Variants in CAPN12 observed in about 807,000 individuals in gnomAD.
CAPN12 encodes calpain 12, also known as calpain-12.
In CAPN12, 107 loss-of-function variants were observed where a neutral mutation model predicts 95.0. The observed-to-expected ratio is 1.13, with a 90% CI of 0.96 to 1.32. The LOEUF (loss-of-function observed/expected upper bound fraction) is 1.32, where lower values mean the gene tolerates loss of function less well. CAPN12 is among the 40% of genes most tolerant of loss of function. CAPN12 has a pLI of 0.00. For missense variants in CAPN12, 1,136 were observed against 997.8 expected, an observed-to-expected ratio of 1.14 and a Z score of -1.87; for synonymous variants, 505 against 415.5, an observed-to-expected ratio of 1.22 and a Z score of -2.62.
In CAPN12 at chr19:38,742,396, G is replaced by A; in HGVS notation, c.426+14C>T. ...GGGGGAAACGGAGGCATGGGCAGAG[G>A]AACTGAGCTGTACCTGGAAGTGGAA... On this transcript the variant is annotated intron_variant, in intron 3 of 20. Coordinates refer to ENST00000328867, the MANE Select transcript of CAPN12 (RefSeq NM_144691.4). The A allele has an allele frequency of 6.4e-7, 1 of 1,573,522 alleles. No individual in the cohort carries two copies. The highest frequency in any genetic ancestry group is 8.7e-7 in the Non-Finnish European group (1 of 1,143,024).
intron 1 of CAPN12, 83 bp downstream of exon 1, chr19:38,743,846 C>T (rs1970732153): frequency 1.5e-6 from 2 of 1,372,112 alleles, no homozygotes; most frequent in Non-Finnish European, 2.0e-6. Context: ...AGGCCCCCAG[C>T]CTTCCTTCCT....
rs776405481 is a variant in CAPN12 at position 38,734,310 on chromosome 19, C to G, written c.1815+9G>C. On this transcript the variant is annotated intron_variant, in intron 16 of 20. Coordinates refer to ENST00000328867, the MANE Select transcript of CAPN12 (RefSeq NM_144691.4). ...TCCCTCCCTCACCCAGGCACTGCCCCCCATGTACCCCGAAACACTGCAGCA... is the reference window on the plus strand; with the variant it reads ...TCCCTCCCTCACCCAGGCACTGCCCGCCATGTACCCCGAAACACTGCAGCA... The G allele has an allele frequency of 3.7e-6, 6 of 1,605,988 alleles. No homozygotes were observed. The African/African-American group carries it at 6.7e-5, about 18-fold the overall frequency.
chr19:38,736,175 G>T lies in CAPN12; in HGVS notation c.1518C>A (p.Thr506=). 6.6e-6 allele frequency: 10 copies of T among 1,513,020 alleles called. No individual in the cohort carries two copies. The highest frequency in any genetic ancestry group is 7.9e-6 in the Non-Finnish European group (9 of 1,134,466). The allele number at this position is 1,513,020 out of a possible 1,614,324, so 93.7% of individuals were successfully genotyped here. A position where few individuals can be genotyped will look rare whatever the true frequency, so the allele number is the denominator to read the frequency against. ...RPGHYLVVPS[T]AHAGDEADFT... ...AGTCAGCCTCGTCGCCGGCGTGGGC[G>T]GTGCTCGGCACCACCAGGTAGTGGC... The change falls in exon 12 of 21, where the codon ACC becomes ACA. Residue 506 remains threonine (T), a synonymous_variant. Coordinates refer to ENST00000328867, the MANE Select transcript of CAPN12 (RefSeq NM_144691.4).
chr19:38,744,401 G>C lies in CAPN12; in HGVS notation c.-236C>G, dbSNP rs958840606. On this transcript the variant is annotated 5_prime_UTR_variant, in exon 1 of 21. Coordinates refer to ENST00000328867, the MANE Select transcript of CAPN12 (RefSeq NM_144691.4). ...GGTAGCAGCTTAATGGGCTTGGCCAGCAGCAGGAGAGAAGGCGGGCAGAGC... is the reference window on the plus strand; with the variant it reads ...GGTAGCAGCTTAATGGGCTTGGCCACCAGCAGGAGAGAAGGCGGGCAGAGC... 3 of 579,234 alleles carry C rather than the reference G, an allele frequency of 5.2e-6. No homozygotes were observed. Among genetic ancestry groups the C allele is most frequent in the Non-Finnish European group, 9.2e-6 (3 of 324,602 alleles). The allele number at this position is 579,234 out of a possible 1,614,324, so 35.9% of individuals were successfully genotyped here.
chr19:38,734,945 C>T lies in CAPN12; in HGVS notation c.1687-75G>A, dbSNP rs552102470. The stretch of plus-strand genomic sequence containing the variant: ...TGGGCCAAGCCCTGTGCTAGGGACA[C>T]GGCAGGGGCTGACAGAGCCTCAGAG... On this transcript the variant is annotated intron_variant, in intron 14 of 20. Transcript: ENST00000328867. The T allele has an allele frequency of 5.0e-5, 72 of 1,431,208 alleles. No individual in the cohort carries two copies. In the African/African-American group the frequency reaches 5.2e-4, roughly 10 times the overall value. 88.7% of individuals were successfully genotyped at this position (1,431,208 alleles called of 1,614,324 possible).
chr19:38,730,598 A>G lies in CAPN12; in HGVS notation c.*254T>C, dbSNP rs576315249. 2 of 573,040 alleles carry G rather than the reference A, an allele frequency of 3.5e-6. No individual in the cohort carries two copies. Among genetic ancestry groups the G allele is most frequent in the South Asian group, 2.2e-5 (1 of 45,546 alleles). 35.5% of individuals were successfully genotyped at this position (573,040 alleles called of 1,614,324 possible). A position where few individuals can be genotyped will look rare whatever the true frequency, so the allele number is the denominator to read the frequency against. On this transcript the variant is annotated 3_prime_UTR_variant, in exon 21 of 21. Coordinates refer to ENST00000328867, the MANE Select transcript of CAPN12 (RefSeq NM_144691.4). The stretch of plus-strand genomic sequence containing the variant: ...CTCCACCTTCTAGGAGAGCCAGGGC[A>G]GAGCTAGCACTGTCTTAAGCTGTCA...
rs532063268 is a variant in CAPN12, at chr19:38,733,602, C to T, written c.1957+101G>A. Reference sequence around the variant, plus strand: ...AGCTAAGGTGTGGGCCTGTGGATGGCCACAGTGCAGACGGCCACAGCTGAG... The same window carrying T: ...AGCTAAGGTGTGGGCCTGTGGATGGTCACAGTGCAGACGGCCACAGCTGAG... On this transcript the variant is annotated intron_variant, in intron 18 of 20. Transcript: ENST00000328867. The T allele has an allele frequency of 3.7e-6, 4 of 1,091,782 alleles. No homozygotes were observed. In the South Asian group the frequency reaches 5.5e-5, roughly 15 times the overall value. The allele number at this position is 1,091,782 out of a possible 1,614,324, so 67.6% of individuals were successfully genotyped here. A position where few individuals can be genotyped will look rare whatever the true frequency, so the allele number is the denominator to read the frequency against.
In CAPN12 at chr19:38,740,130, AG is replaced by A; in HGVS notation, c.649del (p.Leu217Ter). 1.2e-6 allele frequency: 2 copies of A among 1,612,766 alleles called. No individual in the cohort carries two copies. The highest frequency in any genetic ancestry group is 1.7e-6 in the Non-Finnish European group (2 of 1,178,928). On this transcript the variant is annotated frameshift_variant, in exon 5 of 21. Transcript: ENST00000328867. LOFTEE classifies it high-confidence loss of function. The part of the protein sequence containing the change: ...FTGGVGEVLY[L>X]RQNSMGLFSA... ...GAACAGCCCCATGCTGTTTTGTCTC[AG>A]ATAGAGCACCTCGCCCACGCCGCCT... is the stretch of plus-strand genomic sequence containing the variant.
At position 38,734,193 on chromosome 19, in the gene CAPN12, G is replaced by C. The variant is rs1384533305; in HGVS notation, c.1827C>G (p.Ser609Arg). 8 of 1,613,000 alleles carry C rather than the reference G, an allele frequency of 5.0e-6. No individual in the cohort carries two copies. Among genetic ancestry groups the C allele is most frequent in the Non-Finnish European group, 6.8e-6 (8 of 1,179,906 alleles). Residue 609 changes from serine (S) to arginine (R), a missense_variant, in exon 17 of 21, where the codon AGC (serine) becomes AGG (arginine). Coordinates refer to ENST00000328867, the MANE Select transcript of CAPN12 (RefSeq NM_144691.4). ...QLLQCFGHGQ[S>R]LALHHFQQLW... ...GCTGCTGGAAGTGGTGTAAGGCCAG[G>C]CTTTGCCCATGCTGTGTTGGGGGTC...
rs150213565 is a variant in CAPN12 at position 38,735,531 on chromosome 19, C to A, written c.1597G>T (p.Val533Leu). The A allele has an allele frequency of 3.5e-5, 56 of 1,610,438 alleles. No homozygotes were observed. The South Asian group carries it at 5.8e-4, about 17-fold the overall frequency. Reference sequence around the variant, plus strand: ...AGAGACTGCAGGTCTGCGCTGATCACGTCGTCGATCTCCCTGCAAATTACA... The same window carrying A: ...AGAGACTGCAGGTCTGCGCTGATCAAGTCGTCGATCTCCCTGCAAATTACA... ...RRHTAVEIDD[V>L]ISADLQSLQG... Residue 533 changes from valine to leucine, a missense_variant, in exon 13 of 21, where the codon GTG becomes TTG. Physicochemically the swap from Val to Leu is conservative, Grantham distance 32. Transcript: ENST00000328867.
chr19:38,735,055 TG>T, intron 14 of CAPN12, 185 bp from the exon 15 acceptor site: 1 of 619,076 alleles, frequency 1.6e-6, no homozygotes, highest in Non-Finnish European at 2.8e-6. Flanking sequence ...TGGTTGCTGG[TG>T]GGGGGCCAGC....
rs141009431 is a variant in CAPN12 at position 38,735,523 on chromosome 19, G to A, written c.1605C>T (p.Ser535=). 469 of 1,610,902 alleles carry A rather than the reference G, an allele frequency of 2.9e-4. 1 individual carries two copies. The African/African-American group carries it at 5.4e-3, about 19-fold the overall frequency. The part of the protein sequence containing the change: ...HTAVEIDDVI[S]ADLQSLQGPY... Reference sequence around the variant, plus strand: ...CCACCTGGAGAGACTGCAGGTCTGCGCTGATCACGTCGTCGATCTCCCTGC... The same window carrying A: ...CCACCTGGAGAGACTGCAGGTCTGCACTGATCACGTCGTCGATCTCCCTGC... The change falls in exon 13 of 21, where the codon AGC becomes AGT. Residue 535 remains serine (S), a synonymous_variant. Coordinates refer to ENST00000328867, the MANE Select transcript of CAPN12 (RefSeq NM_144691.4).
At position 38,734,793 on chromosome 19, in the gene CAPN12, C is replaced by T. The variant is rs1314882162; in HGVS notation, c.1744+20G>A. On this transcript the variant is annotated intron_variant, in intron 15 of 20. Transcript: ENST00000328867. ...CCCTGGCTAAGACCCCTCCTCCTGC[C>T]CCTATCCCAGCCAACTCACCAGGCT... is the stretch of plus-strand genomic sequence containing the variant. The T allele has an allele frequency of 6.2e-7, 1 of 1,610,872 alleles. No homozygotes were observed. Among genetic ancestry groups the T allele is most frequent in the Non-Finnish European group, 8.5e-7 (1 of 1,178,724 alleles).
chr19:38,744,069 CAT>C lies in CAPN12; in HGVS notation c.95_96del (p.Tyr32Ter). The C allele has an allele frequency of 6.2e-7, 1 of 1,614,226 alleles. No homozygotes were observed. On this transcript the variant is annotated frameshift_variant, in exon 1 of 21. Transcript: ENST00000328867. LOFTEE classifies it high-confidence loss of function. ...TCCAGGCAGGCTGCCCGAATTGCCTCATAGCTCTGGCCCCGAAAAAGCTGCAG... is the reference window on the plus strand; with the variant it reads ...TCCAGGCAGGCTGCCCGAATTGCCTCAGCTCTGGCCCCGAAAAAGCTGCAG... ...GRLQLFRGQS[Y>X]EAIRAACLDS...
chr19:38,738,559 A>G lies in CAPN12; in HGVS notation c.804+15T>C, dbSNP rs1340313886. Reference sequence around the variant, plus strand: ...CTGGACATGGCCTGCCACCCCACCCATGGGGGACACTTACCTTGTGTGTGC... The same window carrying G: ...CTGGACATGGCCTGCCACCCCACCCGTGGGGGACACTTACCTTGTGTGTGC... On this transcript the variant is annotated intron_variant, in intron 6 of 20. Transcript: ENST00000328867. 1 of 1,613,830 alleles carries G rather than the reference A, an allele frequency of 6.2e-7. No homozygotes were observed. Among genetic ancestry groups the G allele is most frequent in the East Asian group, 2.2e-5 (1 of 44,878 alleles).
Position 38,742,501 on chromosome 19 carries a change from G to A in CAPN12, c.335C>T (p.Ala112Val), listed in dbSNP as rs1423398929. Residue 112 changes from alanine (A) to valine (V), a missense_variant, in exon 3 of 21, where the codon GCC becomes GTC. Transcript: ENST00000328867. ...LGNCWFLAAA[A>V]SLTLYPRLLR... ...GAGCCGGGGATACAGAGTAAGGGAG[G>A]CGGCAGCTGCAAGGAACCAGCAGTT... The A allele has an allele frequency of 1.2e-6, 2 of 1,613,322 alleles. No individual in the cohort carries two copies. The highest frequency in any genetic ancestry group is 3.3e-5 in the Admixed American group (2 of 59,838).
rs1283024383 is a variant in CAPN12 at position 38,736,224 on chromosome 19, G to T, written c.1469C>A (p.Thr490Asn). The T allele has an allele frequency of 6.7e-7, 1 of 1,499,056 alleles. No individual in the cohort carries two copies. The highest frequency in any genetic ancestry group is 8.9e-7 in the Non-Finnish European group (1 of 1,129,758). 92.9% of individuals were successfully genotyped at this position (1,499,056 alleles called of 1,614,324 possible). Residue 490 changes from threonine (T) to asparagine (N), a missense_variant, in exon 12 of 21, where the codon ACC becomes AAC. Physicochemically the swap from Thr to Asn is moderately conservative, Grantham distance 65. Coordinates refer to ENST00000328867, the MANE Select transcript of CAPN12 (RefSeq NM_144691.4). The part of the protein sequence containing the change: ...RSPLSARRDV[T>N]RRCCLRPGHY... ...GCCTGGACGCAGGCAGCAGCGGCGG[G>T]TCACGTCGCGGCGGGCGCTGAGGGG...
At chr19:38,736,611 G>A (rs781712702) in intron 10 of CAPN12, 48 bp from the exon 11 acceptor site, 18 of 1,572,552 alleles carry the variant, frequency 1.1e-5, no homozygotes, top group Middle Eastern at 1.7e-4. Flanking sequence ...AGAGGTGGCC[G>A]CCGCTCAGGG....
rs1464785722 is a variant in CAPN12, at chr19:38,736,250, C to G, written c.1443G>C (p.Ser481=). 2 of 1,474,606 alleles carry G rather than the reference C, an allele frequency of 1.4e-6. No individual in the cohort carries two copies. Among genetic ancestry groups the G allele is most frequent in the Non-Finnish European group, 1.8e-6 (2 of 1,120,802 alleles). The allele number at this position is 1,474,606 out of a possible 1,614,324, so 91.3% of individuals were successfully genotyped here. A position where few individuals can be genotyped will look rare whatever the true frequency, so the allele number is the denominator to read the frequency against. Residue 481 remains serine, a synonymous_variant, in exon 12 of 21, where the codon TCG becomes TCC. Transcript: ENST00000328867. ...LLPRLLRADR[S]PLSARRDVTR... Reference sequence around the variant, plus strand: ...TCACGTCGCGGCGGGCGCTGAGGGGCGAGCGGTCGGCGCGCAGCAGCCGGG... The same window carrying G: ...TCACGTCGCGGCGGGCGCTGAGGGGGGAGCGGTCGGCGCGCAGCAGCCGGG...
Sources: allele counts gnomAD v4.1 joint callset, GRCh38; gene constraint gnomAD v4.1.1; transcripts MANE v1.5; gene names NCBI Gene and HGNC (gene_info 2026-07-23, HGNC 2026-07-21).